KCNT1: variants seen among roughly 807,000 people sequenced by gnomAD.
The protein encoded by KCNT1 is potassium channel subfamily T member 1.
KCNT1 carries 78 observed loss-of-function variants against 147.8 expected under a neutral mutation model. The ratio of observed to expected loss-of-function variants is 0.53; its 90% CI spans 0.44 to 0.64. The LOEUF (loss-of-function observed/expected upper bound fraction) is 0.64, where lower values mean the gene tolerates loss of function less well. Ranked by LOEUF, KCNT1 falls within the 30% of genes least tolerant of loss-of-function variation. KCNT1 has a pLI of 0.00. For missense variants in KCNT1, 1,419 were observed against 1,750.3 expected, an observed-to-expected ratio of 0.81 and a Z score of 3.38; for synonymous variants, 867 against 748.8, an observed-to-expected ratio of 1.16 and a Z score of -2.58.
chr9:135,734,956 A>G (rs1376149750), intron 2 of KCNT1, among the ~76,000 whole-genome samples: 2 of 152,036 alleles, frequency 1.3e-5, no homozygotes, highest in East Asian at 3.9e-4. Context: ...TGGTCTGTTT[A>G]CTCACAGCAC....
intron 2 of KCNT1, among the ~76,000 whole-genome samples, chr9:135,718,233 G>T (rs993973351): frequency 2.6e-5 from 4 of 152,190 alleles, no homozygotes; most frequent in African/African-American, 9.6e-5. Context: ...GCCTGGCCTG[G>T]TGGGACCCCC....
intron 1 of KCNT1, among the ~76,000 whole-genome samples, chr9:135,713,820 C>T (rs910442533): frequency 3.3e-5 from 5 of 152,208 alleles, no homozygotes; most frequent in African/African-American, 4.8e-5. Context: ...AAGACACCTG[C>T]TTGGGCCCCC....
chr9:135,770,560 T>A, intron 17 of KCNT1, 113 bp downstream of exon 17: 1 of 1,338,906 alleles, frequency 7.5e-7, no homozygotes, highest in Non-Finnish European at 1.0e-6. Context: ...TGCAGAGGGC[T>A]CGGGGGAGGG....
At chr9:135,709,191 G>T (rs1385435372) in intron 1 of KCNT1, among the ~76,000 whole-genome samples, 2 of 152,200 alleles carry the variant, frequency 1.3e-5, no homozygotes, top group African/African-American at 4.8e-5. Flanking sequence ...TTAGGGTTCT[G>T]TGGAAAGCGG....
At position 135,753,872 on chromosome 9, in the gene KCNT1, GGCA is replaced by G; in HGVS notation, c.435-61_435-59del. 6 of 1,579,654 alleles carry G rather than the reference GGCA, an allele frequency of 3.8e-6. No homozygotes were observed. The Admixed American group carries it at 1.0e-4, about 26-fold the overall frequency. On this transcript the variant is annotated intron_variant, in intron 4 of 30. Transcript: ENST00000371757. Reference sequence around the variant, plus strand: ...GAACCCGAGCCTGTGGAAGCCCTCGGGCAGCAAGTCCTTGCAGTGGTGCTAGAG... The same window carrying G: ...GAACCCGAGCCTGTGGAAGCCCTCGGGCAAGTCCTTGCAGTGGTGCTAGAG...
intron 24 of KCNT1, among the ~76,000 whole-genome samples, chr9:135,780,815 G>T (rs1003186708): frequency 6.6e-6 from 1 of 152,240 alleles, no homozygotes; most frequent in Non-Finnish European, 1.5e-5. Flanking sequence ...CGGGTGCCGG[G>T]CCGCTCCCCA....
At chr9:135,703,916 G>C (rs994236440) in intron 1 of KCNT1, among the ~76,000 whole-genome samples, 4 of 152,210 alleles carry the variant, frequency 2.6e-5, no homozygotes, top group African/African-American at 9.6e-5. Context: ...GCTGGCCTCC[G>C]TTGCAACAGA....
At position 135,775,371 on chromosome 9, in the gene KCNT1, C is replaced by G. The variant is rs1172121295; in HGVS notation, c.2305C>G (p.Leu769Val). ...CGGCAGCTCCCCAACCCTGTGCCAC[C>G]TCCTGCCTGTGAAAGCCCCCTTCTG... ...YIGSSPTLCH[L>V]LPVKAPFCCL... is the part of the protein sequence containing the mutation. Residue 769 changes from leucine to valine, a missense_variant, in exon 20 of 31, where the codon CTC becomes GTC. Coordinates refer to ENST00000371757, the MANE Select transcript of KCNT1 (RefSeq NM_020822.3). 1 of 1,611,224 alleles carries G rather than the reference C, an allele frequency of 6.2e-7. No homozygotes were observed. The highest frequency in any genetic ancestry group is 8.5e-7 in the Non-Finnish European group (1 of 1,178,668).
intron 6 of KCNT1, among the ~76,000 whole-genome samples, chr9:135,755,564 G>A (rs1831430123): frequency 6.8e-6 from 1 of 146,880 alleles, no homozygotes; most frequent in Non-Finnish European, 1.5e-5. Flanking sequence ...CAGGCTCGGT[G>A]AGCACTGGGG....
intron 13 of KCNT1, 79 bp from the exon 14 acceptor site, chr9:135,768,530 TC>T (rs1832493363): frequency 2.7e-6 from 3 of 1,131,688 alleles, no homozygotes; most frequent in African/African-American, 1.5e-5. Flanking sequence ...GAGGAGGTCC[TC>T]CCCACCTCAC....
chr9:135,785,965 G>A (rs571302323), intron 28 of KCNT1: 51 of 569,522 alleles, frequency 9.0e-5, no homozygotes, highest in Non-Finnish European at 5.3e-5. Context: ...CCCGGGCAGG[G>A]TGGGTGGCCC....
rs968489740 is a variant in KCNT1, at chr9:135,730,889, G to A, written c.254+16169G>A. Among the ~76,000 whole-genome samples, 1 of 150,740 alleles carries A rather than the reference G, an allele frequency of 6.6e-6. No homozygotes were observed. ...TAGTCCCAGCTACTTGGGAAGCTGAGGCAGGAGGATCACTTGAGCCCAGGA... is the reference window on the plus strand; with the variant it reads ...TAGTCCCAGCTACTTGGGAAGCTGAAGCAGGAGGATCACTTGAGCCCAGGA... On this transcript the variant is annotated intron_variant, in intron 2 of 30. Coordinates refer to ENST00000371757, the MANE Select transcript of KCNT1 (RefSeq NM_020822.3). The surrounding 1 kb of genome is among the most constrained non-coding windows in gnomAD (Gnocchi z 4.7).
intron 24 of KCNT1, among the ~76,000 whole-genome samples, chr9:135,781,290 G>A (rs1315078456): frequency 6.6e-6 from 1 of 152,198 alleles, no homozygotes; most frequent in Non-Finnish European, 1.5e-5. Context: ...GGTCCATGTG[G>A]GACAGATGCC....
At chr9:135,755,973 GGACAAACCCAGCATTTACT>G (rs1831458345) in intron 6 of KCNT1, among the ~76,000 whole-genome samples, 1 of 142,676 alleles carries the variant, frequency 7.0e-6, no homozygotes, top group African/African-American at 2.6e-5. Context: ...TGGGCACTGA[GGACAAACCCAGCATTTACT>G]GACCCAGGGT....
At position 135,702,317 on chromosome 9, in the gene KCNT1, G is replaced by C. The variant is rs146292575; in HGVS notation, c.59G>C (p.Gly20Ala). 12,678 of 1,610,946 alleles carry C rather than the reference G, an allele frequency of 7.9e-3. 89 individuals carry two copies. The highest frequency in any genetic ancestry group is 0.03 in the Middle Eastern group (181 of 6,034). Reference protein sequence around the residue: ...PGGVCREARGGGYTNRTFEFD... With the variant: ...PGGVCREARGAGYTNRTFEFD... Reference sequence around the variant, plus strand: ...GGCGTCTGCCGGGAGGCGCGCGGCGGGGGCTACACCAACCGGACCTTCGAG... The same window carrying C: ...GGCGTCTGCCGGGAGGCGCGCGGCGCGGGCTACACCAACCGGACCTTCGAG... The change falls in exon 1 of 31, where the codon GGG (glycine) becomes GCG (alanine). Residue 20 changes from glycine (G) to alanine (A), a missense_variant. Around this residue, in one of 5 missense-constraint regions of KCNT1, gnomAD observed 181 missense variants for 155.7 expected, o/e 1.16. Coordinates refer to ENST00000371757, the MANE Select transcript of KCNT1 (RefSeq NM_020822.3).
chr9:135,759,268 A>G (rs920067797), intron 10 of KCNT1, among the ~76,000 whole-genome samples: 2 of 152,148 alleles, frequency 1.3e-5, no homozygotes, highest in African/African-American at 4.8e-5. Context: ...CAAGGCTCTG[A>G]GATGGGGGTA....
rs768926196 is a variant in KCNT1 at position 135,702,373 on chromosome 9, A to G, written c.110+5A>G. 104 of 1,607,238 alleles carry G rather than the reference A, an allele frequency of 6.5e-5. No individual in the cohort carries two copies. The highest frequency in any genetic ancestry group is 8.8e-5 in the Non-Finnish European group (104 of 1,175,844). ...CGACGGCCAATGCGCCCCCAGGTAC[A>G]GTCTGCTGCGCCCTCCCCACGCGGG... On this transcript the variant is annotated splice_donor_5th_base_variant and intron_variant, in intron 1 of 30. Transcript: ENST00000371757.
rs202127599 is a variant in KCNT1 at position 135,724,142 on chromosome 9, CA to C, written c.254+9423del. Among the ~76,000 whole-genome samples the C allele has an allele frequency of 4.5e-3, 685 of 152,300 alleles. 2 individuals are homozygous for C. Among genetic ancestry groups the C allele is most frequent in the African/African-American group, 0.013 (558 of 41,566 alleles). On this transcript the variant is annotated intron_variant, in intron 2 of 30. Transcript: ENST00000371757. ...TCCAGGCTCAGAGGCTCGAGAGGCA[CA>C]GGGGGAGGGCACCAAGGGCCTTGCA... is the stretch of plus-strand genomic sequence containing the variant.
intron 9 of KCNT1, among the ~76,000 whole-genome samples, chr9:135,757,594 C>T (rs1234324747): frequency 6.6e-6 from 1 of 152,194 alleles, no homozygotes; most frequent in Non-Finnish European, 1.5e-5. Flanking sequence ...GAAACTCAAT[C>T]CCAGAGCTTT....
Sources: allele counts gnomAD v4.1 joint callset (sites outside exome capture counted in the v4.1 genomes callset), GRCh38; gene constraint gnomAD v4.1.1; regional missense constraint gnomAD v4.1.1; non-coding constraint Gnocchi (gnomAD v3.1); transcripts MANE v1.5; gene names NCBI Gene and HGNC (gene_info 2026-07-23, HGNC 2026-07-21).